Variants in PRKN observed in about 807,000 individuals in gnomAD.
PRKN encodes E3 ubiquitin-protein ligase parkin.
A neutral mutation model predicts 59.5 loss-of-function variants in PRKN; 56 were observed. The observed-to-expected ratio is 0.94, with a 90% CI of 0.76 to 1.18. The LOEUF (loss-of-function observed/expected upper bound fraction) is 1.18. PRKN is among the 50% of genes most tolerant of loss of function. PRKN has a pLI of 0.00. For missense variants in PRKN, 657 were observed against 596.4 expected, an observed-to-expected ratio of 1.10 and a Z score of -1.06; for synonymous variants, 250 against 222.1, an observed-to-expected ratio of 1.13 and a Z score of -1.12.
In PRKN at chr6:161,810,645, T is replaced by C. The variant is rs550846117; in HGVS notation, c.735-24737A>G. ...CTAACTGTAGGAGTGACTACTTATGTAACAGTCATTCAAATGAAAATACCT... is the reference window on the plus strand; with the variant it reads ...CTAACTGTAGGAGTGACTACTTATGCAACAGTCATTCAAATGAAAATACCT... On this transcript the variant is annotated intron_variant, in intron 6 of 11. Coordinates refer to ENST00000366898, the MANE Select transcript of PRKN (RefSeq NM_004562.3). Among the ~76,000 whole-genome samples, 21 of 152,328 alleles carry C rather than the reference T, an allele frequency of 1.4e-4. 1 individual carries two copies. The highest frequency in any genetic ancestry group is 6.5e-5 in the Admixed American group (1 of 15,300).
intron 1 of PRKN, among the ~76,000 whole-genome samples, chr6:162,549,639 CTTTTTTTTTT>C: frequency 8.2e-6 from 1 of 122,590 alleles, no homozygotes; most frequent in East Asian, 2.4e-4. Context: ...ATGCGATAAT[CTTTTTTTTTT>C]TTTTTTTTTG....
intron 4 of PRKN, among the ~76,000 whole-genome samples, chr6:162,161,610 A>AT (rs1782762963): frequency 6.6e-6 from 1 of 152,112 alleles, no homozygotes; most frequent in Non-Finnish European, 1.5e-5. Context: ...GCAGCCTGCC[A>AT]TTGTTCATTG....
intron 1 of PRKN, among the ~76,000 whole-genome samples, chr6:162,498,424 G>GTTTTTTTTTTTTTTGTTTTTTT (rs1793187657): frequency 5.3e-5 from 1 of 18,842 alleles, no homozygotes; most frequent in Non-Finnish European, 1.2e-4. Context: ...TTGAGATGGA[G>GTTTTTTTTTTTTTTGTTTTTTT]TTTCTTTCCT....
intron 1 of PRKN, among the ~76,000 whole-genome samples, chr6:162,610,405 A>AT (rs1782098833): frequency 6.6e-6 from 1 of 152,244 alleles, no homozygotes; most frequent in Non-Finnish European, 1.5e-5. Flanking sequence ...GTTTATAACG[A>AT]ATGTGCTGCT....
intron 5 of PRKN, among the ~76,000 whole-genome samples, chr6:161,988,827 T>C (rs951046929): frequency 6.6e-6 from 1 of 152,210 alleles, no homozygotes. Context: ...CAGAGCATTT[T>C]CATTGACTGC....
In PRKN at chr6:162,227,378, CT is replaced by C. The variant is rs549010994; in HGVS notation, c.413-26127del. Among the ~76,000 whole-genome samples the C allele has an allele frequency of 1.1e-3, 160 of 151,762 alleles. 5 individuals are homozygous for C. The East Asian group carries it at 0.026, about 24-fold the overall frequency. ...TTCATTATCTGGAATAATTTAGCTA[CT>C]TTTTTTTTCTCTCTCTACCCTTTAT... On this transcript the variant is annotated intron_variant, in intron 3 of 11. Transcript: ENST00000366898.
intron 1 of PRKN, among the ~76,000 whole-genome samples, chr6:162,720,641 G>A (rs1416974694): frequency 2.0e-5 from 3 of 151,472 alleles, no homozygotes; most frequent in Non-Finnish European, 4.4e-5. Flanking sequence ...TAGTAGAGAC[G>A]GGGTTTCACC....
intron 1 of PRKN, among the ~76,000 whole-genome samples, chr6:162,503,986 C>T (rs12524159): frequency 0.28 from 42,750 of 152,118 alleles, 6,881 homozygotes; most frequent in Middle Eastern, 0.37. Flanking sequence ...AGAAGGACTT[C>T]TTGGCAACAC....
chr6:161,862,749 CGAG>C (rs1035902710), intron 6 of PRKN, among the ~76,000 whole-genome samples: 8 of 151,486 alleles, frequency 5.3e-5, no homozygotes, highest in Non-Finnish European at 8.8e-5. Context: ...CATTCAGAGG[CGAG>C]AAGGAGTCCA....
intron 1 of PRKN, among the ~76,000 whole-genome samples, chr6:162,710,412 C>CACACACAA (rs1778491978): frequency 6.6e-6 from 1 of 151,046 alleles, no homozygotes; most frequent in Non-Finnish European, 1.5e-5. Context: ...CACACACACA[C>CACACACAA]ACAACTGTTT....
At chr6:162,365,883 T>C (rs1785411678) in intron 2 of PRKN, among the ~76,000 whole-genome samples, 1 of 152,232 alleles carries the variant, frequency 6.6e-6, no homozygotes, top group African/African-American at 2.4e-5. Context: ...TAGAACAATG[T>C]CTGCCACATC....
At chr6:161,814,554 G>A (rs1014894649) in intron 6 of PRKN, among the ~76,000 whole-genome samples, 6 of 152,136 alleles carry the variant, frequency 3.9e-5, no homozygotes, top group Admixed American at 2.6e-4. Context: ...CCAGGCTGGA[G>A]TGCAATGGCC....
At chr6:161,900,742 TTATG>T (rs1777876733) in intron 6 of PRKN, among the ~76,000 whole-genome samples, 1 of 130,454 alleles carries the variant, frequency 7.7e-6, no homozygotes, top group Non-Finnish European at 1.5e-5. Flanking sequence ...TAACATATAT[TTATG>T]TATTAAATAT....
At chr6:162,630,920 T>A (rs1457555376) in intron 1 of PRKN, among the ~76,000 whole-genome samples, 1 of 152,056 alleles carries the variant, frequency 6.6e-6, no homozygotes, top group African/African-American at 2.4e-5. Flanking sequence ...GCACAAAAAG[T>A]AAAAAATTTT....
At chr6:162,284,776 C>T (rs908242549) in intron 2 of PRKN, among the ~76,000 whole-genome samples, 6 of 152,180 alleles carry the variant, frequency 3.9e-5, no homozygotes, top group African/African-American at 1.2e-4. Flanking sequence ...TAATCAGTTA[C>T]TATGTAGCCA....
At chr6:162,403,945 C>T (rs1787931134) in intron 2 of PRKN, among the ~76,000 whole-genome samples, 1 of 152,128 alleles carries the variant, frequency 6.6e-6, no homozygotes, top group Admixed American at 6.5e-5. Flanking sequence ...TGAAGGCTTA[C>T]CTGTTTTTTT....
chr6:162,678,352 A>G (rs1308170335), intron 1 of PRKN, among the ~76,000 whole-genome samples: 5 of 152,180 alleles, frequency 3.3e-5, no homozygotes, highest in African/African-American at 9.7e-5. Flanking sequence ...AGGCAGCTGT[A>G]TATTTCACTA....
chr6:161,667,342 G>A (rs1357934518), intron 7 of PRKN, among the ~76,000 whole-genome samples: 1 of 152,122 alleles, frequency 6.6e-6, no homozygotes, highest in African/African-American at 2.4e-5. Flanking sequence ...CTGGCCTCAG[G>A]GACTCCATCC....
intron 1 of PRKN, among the ~76,000 whole-genome samples, chr6:162,612,307 T>C (rs185309621): frequency 1.3e-5 from 2 of 151,578 alleles, no homozygotes; most frequent in African/African-American, 4.8e-5. Flanking sequence ...GAAAACAAAT[T>C]TCAATTCAAA....
Sources: allele counts gnomAD v4.1 joint callset (sites outside exome capture counted in the v4.1 genomes callset), GRCh38; gene constraint gnomAD v4.1.1; transcripts MANE v1.5; gene names NCBI Gene and HGNC (gene_info 2026-07-23, HGNC 2026-07-21).